MYLK: variants seen among roughly 807,000 people sequenced by gnomAD.
MYLK encodes the protein myosin light chain kinase, smooth muscle.
In MYLK, 106 loss-of-function variants were observed where a neutral mutation model predicts 203.4. The observed-to-expected ratio is 0.52, with a 90% CI of 0.45 to 0.61. MYLK has a LOEUF of 0.61. Ranked by LOEUF, MYLK falls within the 20% of genes least tolerant of loss-of-function variation. MYLK has a pLI of 0.00. For missense variants in MYLK, 2,072 were observed against 2,442.3 expected (o/e 0.85, Z 3.20); for synonymous variants, 867 against 959.5 (o/e 0.90, Z 1.78).
chr3:123,844,399 C>T (rs1484569713), intron 2 of MYLK, among the ~76,000 whole-genome samples: 1 of 152,192 alleles, frequency 6.6e-6, no homozygotes, highest in African/African-American at 2.4e-5. Flanking sequence ...GCTCAGGTTC[C>T]ACATCATTCC....
At chr3:123,807,521 C>T (rs1164164529) in intron 3 of MYLK, among the ~76,000 whole-genome samples, 11 of 152,158 alleles carry the variant, frequency 7.2e-5, no homozygotes, top group Non-Finnish European at 1.5e-4. Flanking sequence ...ATTGATATCC[C>T]CTTAGATTTT....
intron 2 of MYLK, among the ~76,000 whole-genome samples, chr3:123,870,009 A>T (rs141109130): frequency 5.2e-4 from 79 of 152,278 alleles, no homozygotes; most frequent in Middle Eastern, 3.4e-3. Flanking sequence ...CTTAGGAGCC[A>T]GAAGGGCATG....
chr3:123,774,041 T>A (rs766148877), intron 4 of MYLK, among the ~76,000 whole-genome samples: 3 of 152,144 alleles, frequency 2.0e-5, no homozygotes, highest in Non-Finnish European at 4.4e-5. Context: ...CTCAGTCCAC[T>A]GAGTGAGACA....
intron 19 of MYLK, among the ~76,000 whole-genome samples, chr3:123,690,421 G>C (rs1367247163): frequency 6.6e-6 from 1 of 152,132 alleles, no homozygotes; most frequent in Admixed American, 6.5e-5. Flanking sequence ...TTCAGGGGAG[G>C]CACAAACCCA....
At chr3:123,679,061 C>G (rs907972533) in intron 20 of MYLK, among the ~76,000 whole-genome samples, 2 of 152,154 alleles carry the variant, frequency 1.3e-5, no homozygotes, top group Non-Finnish European at 2.9e-5. Context: ...GTAATCCCAG[C>G]ACTTTGGGAG....
In MYLK at chr3:123,629,636, C is replaced by T. The variant is rs41426350; in HGVS notation, c.4962-10G>A. 16 of 1,613,340 alleles carry T rather than the reference C, an allele frequency of 9.9e-6. No individual in the cohort carries two copies. In the African/African-American group the frequency reaches 2.1e-4, roughly 22 times the overall value. On this transcript the variant is annotated splice_polypyrimidine_tract_variant and intron_variant, in intron 29 of 33. Transcript: ENST00000360304. The surrounding 1 kb of genome is among the most constrained non-coding windows in gnomAD (Gnocchi z 4.4). The stretch of plus-strand genomic sequence containing the variant: ...GGAAAGGCCACTGACTCTGGAGAGA[C>T]AAGAGCAGGACAGCAGGTGTGGCTA...
At chr3:123,673,684 C>T (rs2059988858) in intron 20 of MYLK, among the ~76,000 whole-genome samples, 1 of 152,212 alleles carries the variant, frequency 6.6e-6, no homozygotes. Flanking sequence ...AACTAGTTTC[C>T]TCTCCTCTGG....
intron 5 of MYLK, among the ~76,000 whole-genome samples, chr3:123,742,761 C>G (rs889526548): frequency 2.0e-5 from 3 of 152,146 alleles, no homozygotes; most frequent in African/African-American, 7.2e-5. Flanking sequence ...AAATGTGGTG[C>G]ATCCATACAA....
intron 26 of MYLK, among the ~76,000 whole-genome samples, chr3:123,647,788 G>A (rs1336108441): frequency 6.6e-6 from 1 of 151,750 alleles, no homozygotes; most frequent in Admixed American, 6.6e-5. Context: ...CTGGCCTCAA[G>A]CAATCCTCCC....
chr3:123,858,381 T>C (rs1454278491), intron 2 of MYLK, among the ~76,000 whole-genome samples: 1 of 152,194 alleles, frequency 6.6e-6, no homozygotes, highest in Non-Finnish European at 1.5e-5. Context: ...GAGATAGCCA[T>C]AGGCCTCTTA....
At chr3:123,878,227 A>G (rs2033283137) in intron 1 of MYLK, among the ~76,000 whole-genome samples, 1 of 152,244 alleles carries the variant, frequency 6.6e-6, no homozygotes, top group Non-Finnish European at 1.5e-5. Context: ...GCACGTGTTC[A>G]TCTGCCTACA....
chr3:123,767,380 G>C (rs957166284), intron 4 of MYLK, among the ~76,000 whole-genome samples: 3 of 152,208 alleles, frequency 2.0e-5, no homozygotes, highest in African/African-American at 7.2e-5. Context: ...GCCGAGGTTG[G>C]CAGATCACCT....
intron 19 of MYLK, chr3:123,691,801 A>G (rs1256493189): frequency 6.6e-6 from 1 of 152,230 alleles, no homozygotes; most frequent in Admixed American, 6.5e-5. Flanking sequence ...GCAAGAAACT[A>G]TTTCCCCAAA....
intron 13 of MYLK, among the ~76,000 whole-genome samples, chr3:123,711,146 AT>A (rs1326922917): frequency 6.6e-6 from 1 of 152,096 alleles, no homozygotes; most frequent in Non-Finnish European, 1.5e-5. Context: ...CTCCATTTAT[AT>A]AAAATTCTAG....
intron 24 of MYLK, among the ~76,000 whole-genome samples, chr3:123,653,985 GTTGTGT>G (rs1277746148): frequency 2.3e-4 from 20 of 85,484 alleles, no homozygotes; most frequent in African/African-American, 6.2e-4. Flanking sequence ...TCAGAGGGAT[GTTGTGT>G]GTGTGTGTGT....
chr3:123,748,515 G>C (rs935837289), intron 5 of MYLK, among the ~76,000 whole-genome samples: 1 of 152,166 alleles, frequency 6.6e-6, no homozygotes, highest in East Asian at 1.9e-4. Context: ...GCCACTTGTG[G>C]CTATTGAGCA....
intron 1 of MYLK, among the ~76,000 whole-genome samples, chr3:123,879,901 G>A (rs576239660): frequency 9.7e-4 from 147 of 152,262 alleles, no homozygotes; most frequent in African/African-American, 3.3e-3. Context: ...TGATCCACCT[G>A]CCTTGGCCTC....
intron 29 of MYLK, among the ~76,000 whole-genome samples, chr3:123,635,380 C>CG (rs1032398449): frequency 6.6e-6 from 1 of 152,216 alleles, no homozygotes. Context: ...CCTGGCTTGC[C>CG]GGGGGAACTC....
chr3:123,871,748 C>G (rs960079594), intron 2 of MYLK, among the ~76,000 whole-genome samples: 6 of 151,208 alleles, frequency 4.0e-5, no homozygotes, highest in African/African-American at 4.9e-5. Context: ...GAATAAATAA[C>G]AACAGTTTTA....
Sources: allele counts gnomAD v4.1 joint callset (sites outside exome capture counted in the v4.1 genomes callset), GRCh38; gene constraint gnomAD v4.1.1; non-coding constraint Gnocchi (gnomAD v3.1); transcripts MANE v1.5; gene names NCBI Gene and HGNC (gene_info 2026-07-23, HGNC 2026-07-21).